Variants in RAPGEF1 observed in about 807,000 individuals in gnomAD.
RAPGEF1 encodes the protein Rap guanine nucleotide exchange factor 1, also known as CRK SH3-binding GNRP.
In RAPGEF1, 33 loss-of-function variants were observed where a neutral mutation model predicts 143.3. The ratio of observed to expected loss-of-function variants is 0.23; its 90% CI spans 0.17 to 0.31. The LOEUF is 0.31. RAPGEF1 is among the 10% of genes least tolerant of loss of function. The pLI, the probability that RAPGEF1 is intolerant of heterozygous loss-of-function variation, is 1.00. For missense variants in RAPGEF1, 1,199 were observed against 1,645.4 expected, an observed-to-expected ratio of 0.73 and a Z score of 4.69; for synonymous variants, 629 against 676.5, an observed-to-expected ratio of 0.93 and a Z score of 1.09.
chr9:131,629,001 C>T (rs1964107479), intron 7 of RAPGEF1, 101 bp downstream of exon 7: 6 of 1,452,276 alleles, frequency 4.1e-6, no homozygotes, highest in Non-Finnish European at 5.5e-6. Context: ...CCAAGGGGGG[C>T]CAAGCCCTCA....
At chr9:131,637,812 T>C (rs928357159) in intron 5 of RAPGEF1, among the ~76,000 whole-genome samples, 1 of 152,226 alleles carries the variant, frequency 6.6e-6, no homozygotes, top group Non-Finnish European at 1.5e-5. Flanking sequence ...ACCTATTTCA[T>C]AAAAGAGTTA....
At chr9:131,605,807 C>T (rs34040348) in intron 12 of RAPGEF1, among the ~76,000 whole-genome samples, 33,067 of 149,660 alleles carry the variant, frequency 0.22, 4,464 homozygotes, top group Non-Finnish European at 0.3. Context: ...GGCATGGTGG[C>T]TCACACCTGC....
chr9:131,702,534 A>G (rs1834738095), intron 1 of RAPGEF1, among the ~76,000 whole-genome samples: 2 of 152,244 alleles, frequency 1.3e-5, no homozygotes, highest in African/African-American at 4.8e-5. Context: ...AGTGTAGTTT[A>G]AGTTTTACAA....
chr9:131,665,314 C>T (rs1175628955), intron 1 of RAPGEF1, among the ~76,000 whole-genome samples: 1 of 152,112 alleles, frequency 6.6e-6, no homozygotes, highest in Non-Finnish European at 1.5e-5. Context: ...GGTTAAAATC[C>T]TTGATTCTTC....
chr9:131,585,338 T>A (rs753159), intron 22 of RAPGEF1, among the ~76,000 whole-genome samples: 28,846 of 149,328 alleles, frequency 0.19, 3,709 homozygotes, highest in African/African-American at 0.36. Flanking sequence ...GCACCACTGC[T>A]CTTGGCTAAT....
intron 1 of RAPGEF1, among the ~76,000 whole-genome samples, chr9:131,730,170 G>T (rs1227901207): frequency 7.5e-6 from 1 of 133,986 alleles, no homozygotes; most frequent in Non-Finnish European, 1.5e-5. Flanking sequence ...CCCCAGCCTG[G>T]GCAACAGAGC....
chr9:131,721,531 ACTTCTT>A (rs1234406212), intron 1 of RAPGEF1, among the ~76,000 whole-genome samples: 1 of 152,166 alleles, frequency 6.6e-6, no homozygotes, highest in Non-Finnish European at 1.5e-5. Flanking sequence ...AGGAGACCTG[ACTTCTT>A]TACCAGTGTT....
chr9:131,606,127 A>C (rs1957075380), intron 12 of RAPGEF1, among the ~76,000 whole-genome samples: 1 of 152,226 alleles, frequency 6.6e-6, no homozygotes, highest in Non-Finnish European at 1.5e-5. Context: ...TGTAGCCACA[A>C]GGCTATACTC....
At chr9:131,673,785 G>A (rs989850482) in intron 1 of RAPGEF1, among the ~76,000 whole-genome samples, 2 of 152,174 alleles carry the variant, frequency 1.3e-5, no homozygotes, top group Non-Finnish European at 2.9e-5. Flanking sequence ...ACCAGTGACC[G>A]TGAAGAAAAA....
At chr9:131,615,366 A>T (rs546500552) in intron 12 of RAPGEF1, among the ~76,000 whole-genome samples, 2 of 151,964 alleles carry the variant, frequency 1.3e-5, no homozygotes, top group Non-Finnish European at 1.5e-5. Context: ...GAGCCACTGC[A>T]CCCAGCCGGA....
chr9:131,616,515 A>G (rs934599478), intron 12 of RAPGEF1, among the ~76,000 whole-genome samples: 4 of 152,142 alleles, frequency 2.6e-5, no homozygotes, highest in African/African-American at 7.2e-5. Flanking sequence ...GTGAATGAGA[A>G]TACTTCTCAG....
At chr9:131,681,374 T>C (rs895501967) in intron 1 of RAPGEF1, among the ~76,000 whole-genome samples, 2 of 152,182 alleles carry the variant, frequency 1.3e-5, no homozygotes, top group Non-Finnish European at 2.9e-5. Context: ...ATTTAGAGGC[T>C]TGGCAGTTCC....
At chr9:131,647,682 A>G (rs2133385247) in intron 3 of RAPGEF1, among the ~76,000 whole-genome samples, 1 of 152,330 alleles carries the variant, frequency 6.6e-6, no homozygotes, top group African/African-American at 2.4e-5. Flanking sequence ...GGCCTCCACG[A>G]AGCAAGAGGT....
In RAPGEF1 at chr9:131,687,883, C is replaced by T. The variant is rs575546751; in HGVS notation, c.62-36934G>A. Among the ~76,000 whole-genome samples, 45 of 152,336 alleles carry T rather than the reference C, an allele frequency of 3.0e-4. No homozygotes were observed. The South Asian group carries it at 9.1e-3, about 31-fold the overall frequency. On this transcript the variant is annotated intron_variant, in intron 1 of 26. Transcript: ENST00000683357. ...CTTGATACTCCACCATCACATGGGT[C>T]TCAATAGTTTAATGACAAAACCCTA...
At chr9:131,676,573 T>C (rs1437505330) in intron 1 of RAPGEF1, among the ~76,000 whole-genome samples, 1 of 152,208 alleles carries the variant, frequency 6.6e-6, no homozygotes. Context: ...CGACACCTCC[T>C]GTCCTCTTGT....
intron 12 of RAPGEF1, among the ~76,000 whole-genome samples, chr9:131,615,242 T>G (rs1958768129): frequency 6.6e-6 from 1 of 152,172 alleles, no homozygotes; most frequent in Non-Finnish European, 1.5e-5. Context: ...CTGGCTAATT[T>G]TTTTTGTATT....
In RAPGEF1 at chr9:131,619,115, T is replaced by C. The variant is rs769689258; in HGVS notation, c.1997A>G (p.Gln666Arg). 5 of 1,347,374 alleles carry C rather than the reference T, an allele frequency of 3.7e-6. No individual in the cohort carries two copies. In the East Asian group the frequency reaches 1.9e-4, roughly 51 times the overall value. The allele number at this position is 1,347,374 out of a possible 1,614,324, so 83.5% of individuals were successfully genotyped here. The change falls in exon 12 of 27, where the codon CAG (glutamine) becomes CGG (arginine). Residue 666 changes from glutamine to arginine, a missense_variant. Coordinates refer to ENST00000683357, the MANE Select transcript of RAPGEF1 (RefSeq NM_001377935.1). ...AFTPEDGSAA[Q>R]GLSVSVSNSF... Reference sequence around the variant, plus strand: ...GTTAGAGACGGACACACTGAGGCCCTGAGCGGCACTGCCGTCCTCGGGGGT... The same window carrying C: ...GTTAGAGACGGACACACTGAGGCCCCGAGCGGCACTGCCGTCCTCGGGGGT...
intron 4 of RAPGEF1, among the ~76,000 whole-genome samples, chr9:131,640,040 G>A (rs1287418656): frequency 3.3e-5 from 5 of 152,212 alleles, no homozygotes; most frequent in Admixed American, 3.3e-4. Flanking sequence ...AATTCCTAAA[G>A]GAGCCCTGAG....
At chr9:131,631,020 G>A (rs1341317352) in intron 5 of RAPGEF1, among the ~76,000 whole-genome samples, 3 of 151,190 alleles carry the variant, frequency 2.0e-5, no homozygotes, top group East Asian at 1.9e-4. Flanking sequence ...CCAAGTAAGC[G>A]CCACTAAAAA....
Sources: gnomAD v4.1 joint callset for allele counts (sites outside exome capture counted in the v4.1 genomes callset) on GRCh38, gnomAD v4.1.1 for gene constraint, MANE v1.5 for transcripts, NCBI Gene and HGNC (gene_info 2026-07-23, HGNC 2026-07-21) for gene names.